TCFL5: variants seen among roughly 807,000 people sequenced by gnomAD.
TCFL5 encodes transcription factor like 5.
In TCFL5, 9 loss-of-function variants were observed where a neutral mutation model predicts 44.3. The ratio of observed to expected loss-of-function variants is 0.20; its 90% CI spans 0.12 to 0.35. TCFL5 has a LOEUF of 0.35. Ranked by LOEUF, TCFL5 falls within the 10% of genes least tolerant of loss-of-function variation. TCFL5 has a pLI of 1.00. For missense variants in TCFL5, 603 were observed against 613.4 expected (o/e 0.98, Z 0.18); for synonymous variants, 319 against 271.6 (o/e 1.17, Z -1.72).
intron 3 of TCFL5, among the ~76,000 whole-genome samples, chr20:62,857,991 G>GAA (rs547445368): frequency 1.5e-5 from 2 of 133,820 alleles, no homozygotes; most frequent in African/African-American, 5.5e-5. Context: ...GGTCAGAATG[G>GAA]AAAAAAAAAA....
intron 5 of TCFL5, chr20:62,852,326 G>A (rs1044058370): frequency 8.1e-6 from 8 of 984,888 alleles, no homozygotes; most frequent in African/African-American, 5.2e-5. Context: ...CCTGGAACTC[G>A]GGTCCCCCAA....
intron 5 of TCFL5, chr20:62,852,548 C>G (rs1462459098): frequency 1.0e-6 from 1 of 985,374 alleles, no homozygotes; most frequent in Non-Finnish European, 1.2e-6. Flanking sequence ...ACTGCCACGA[C>G]CACACAGACA....
At position 62,859,232 on chromosome 20, in the gene TCFL5, A is replaced by G. The variant is rs897224366; in HGVS notation, c.994+132T>C. On this transcript the variant is annotated intron_variant, in intron 3 of 5. Coordinates refer to ENST00000335351, the MANE Select transcript of TCFL5 (RefSeq NM_006602.4). Reference sequence around the variant, plus strand: ...AAGCGGGTGGACAGACCCCTGAGATACACAGACACCTCCAAGACTGTTTCA... The same window carrying G: ...AAGCGGGTGGACAGACCCCTGAGATGCACAGACACCTCCAAGACTGTTTCA... The G allele has an allele frequency of 1.1e-5, 9 of 815,238 alleles. No homozygotes were observed. The African/African-American group carries it at 1.2e-4, about 11-fold the overall frequency. 50.5% of individuals were successfully genotyped at this position (815,238 alleles called of 1,614,324 possible).
At chr20:62,849,664 A>G (rs1369453797) in intron 5 of TCFL5, among the ~76,000 whole-genome samples, 1 of 152,122 alleles carries the variant, frequency 6.6e-6, no homozygotes, top group African/African-American at 2.4e-5. Context: ...ATTGCTACAA[A>G]AATTAAAAAA....
At chr20:62,852,353 C>T (rs1265961745) in intron 5 of TCFL5, 124 of 981,572 alleles carry the variant, frequency 1.3e-4, no homozygotes, top group Non-Finnish European at 1.4e-4. Flanking sequence ...GGCCCAGGAC[C>T]CTGGAACTCG....
At chr20:62,843,733 T>C (rs2063705107) in intron 5 of TCFL5, among the ~76,000 whole-genome samples, 1 of 152,186 alleles carries the variant, frequency 6.6e-6, no homozygotes, top group Non-Finnish European at 1.5e-5. Flanking sequence ...CCGTACCCAT[T>C]AAACACTAAC....
chr20:62,847,397 AAAGAT>A (rs1279544966), intron 5 of TCFL5, among the ~76,000 whole-genome samples: 7 of 152,204 alleles, frequency 4.6e-5, no homozygotes, highest in African/African-American at 1.7e-4. Context: ...TTGGGATAAT[AAAGAT>A]AAGAGCAAAT....
intron 4 of TCFL5, among the ~76,000 whole-genome samples, chr20:62,856,124 C>A (rs2147279116): frequency 6.7e-6 from 1 of 148,686 alleles, no homozygotes; most frequent in South Asian, 2.2e-4. Context: ...GTGGCGGGTA[C>A]CTGTAATCCC....
chr20:62,856,252 CAAAAAAAA>C (rs11473595), intron 4 of TCFL5, among the ~76,000 whole-genome samples: 1 of 63,836 alleles, frequency 1.6e-5, no homozygotes, highest in Non-Finnish European at 3.0e-5. Flanking sequence ...GACTCCGTCT[CAAAAAAAA>C]AAAAAAAAAA....
intron 5 of TCFL5, chr20:62,844,895 C>T: frequency 1.0e-6 from 1 of 985,040 alleles, no homozygotes. Context: ...GGTTCCCAGT[C>T]TGTGTAGTCT....
rs1217982437 is a variant in TCFL5, at chr20:62,842,117, G to A, written c.1381-20C>T. 6.2e-7 allele frequency: 1 copy of A among 1,613,522 alleles called. No homozygotes were observed. The highest frequency in any genetic ancestry group is 8.5e-7 in the Non-Finnish European group (1 of 1,179,804). On this transcript the variant is annotated intron_variant, in intron 5 of 5. Transcript: ENST00000335351. This position sits in a 1 kb window ranked among gnomAD's most constrained non-coding sequence, Gnocchi z 4.3. ...AAATTCCTGCAGTGAAGAAGTGACG[G>A]TTAACATACTGAATTAACTGACATG...
At chr20:62,843,320 G>A (rs772039588) in intron 5 of TCFL5, among the ~76,000 whole-genome samples, 3 of 152,204 alleles carry the variant, frequency 2.0e-5, no homozygotes, top group Admixed American at 6.5e-5. Context: ...AGGAGTGAAG[G>A]CTTTCAGGAA....
At chr20:62,859,571 A>ACT in intron 2 of TCFL5, 45 bp from the exon 3 acceptor site, 1 of 1,566,754 alleles carries the variant, frequency 6.4e-7, no homozygotes, top group Non-Finnish European at 8.7e-7. Flanking sequence ...TATGTGGCTT[A>ACT]CTCTCCTCTT....
intron 2 of TCFL5, among the ~76,000 whole-genome samples, 198 bp from the exon 3 acceptor site, chr20:62,859,724 T>TG (rs1328539142): frequency 8.4e-6 from 1 of 118,626 alleles, no homozygotes; most frequent in East Asian, 2.6e-4. Context: ...TTTTTGTTTT[T>TG]TTGTTTTTTT....
chr20:62,848,163 G>A (rs969341239), intron 5 of TCFL5, among the ~76,000 whole-genome samples: 8 of 152,206 alleles, frequency 5.3e-5, no homozygotes, highest in Admixed American at 1.3e-4. Context: ...CAGCGACACC[G>A]GGGCCTGATG....
intron 5 of TCFL5, among the ~76,000 whole-genome samples, chr20:62,848,695 G>A (rs1027018218): frequency 9.9e-5 from 15 of 152,042 alleles, no homozygotes; most frequent in Admixed American, 3.3e-4. Context: ...CCGGGATCAC[G>A]CCATTGCACT....
chr20:62,861,423 G>C lies in TCFL5; in HGVS notation c.248C>G (p.Ala83Gly). The part of the protein sequence containing the change: ...LETRLNSALL[A>G]AAGPGAGAGG... ...CGCGCCTGCGCCCGGGCCCGCCGCC[G>C]CCAGCAGCGCCGAGTTGAGGCGCGT... Residue 83 changes from alanine to glycine, a missense_variant, in exon 1 of 6, where the codon GCG becomes GGG. By Grantham distance (60) the Ala-to-Gly change is moderately conservative (BLOSUM62 0). Transcript: ENST00000335351. This position sits in a 1 kb window ranked among gnomAD's most constrained non-coding sequence, Gnocchi z 4.0. The C allele has an allele frequency of 1.1e-5, 13 of 1,141,992 alleles. No homozygotes were observed. The highest frequency in any genetic ancestry group is 1.3e-5 in the Non-Finnish European group (12 of 926,654). 70.7% of individuals were successfully genotyped at this position (1,141,992 alleles called of 1,614,324 possible).
In TCFL5 at chr20:62,859,411, C is replaced by A; in HGVS notation, c.947G>T (p.Gly316Val). The A allele has an allele frequency of 1.2e-6, 2 of 1,613,484 alleles. No homozygotes were observed. Among genetic ancestry groups the A allele is most frequent in the South Asian group, 2.2e-5 (2 of 91,048 alleles). Residue 316 changes from glycine to valine, a missense_variant, in exon 3 of 6, where the codon GGT becomes GTT. Physicochemically the swap from Gly to Val is moderately radical, Grantham distance 109. This residue lies in a region of TCFL5 where 540 missense variants were observed against 478.7 expected (regional missense o/e 1.13). Coordinates refer to ENST00000335351, the MANE Select transcript of TCFL5 (RefSeq NM_006602.4). ...QEIESTKQTLGSRNKVLPEQV... is the reference protein window; with the variant it reads ...QEIESTKQTLVSRNKVLPEQV... ...CTCAGGCAAAACTTTGTTTCTACTA[C>A]CTAACGTCTGTTTAGTGGATTCAAT...
At chr20:62,843,177 G>T (rs1219888890) in intron 5 of TCFL5, among the ~76,000 whole-genome samples, 2 of 152,198 alleles carry the variant, frequency 1.3e-5, no homozygotes, top group Admixed American at 1.3e-4. Flanking sequence ...ACTATTACGG[G>T]TTAAGATATA....
Sources: allele counts gnomAD v4.1 joint callset (sites outside exome capture counted in the v4.1 genomes callset), GRCh38; gene constraint gnomAD v4.1.1; regional missense constraint gnomAD v4.1.1; non-coding constraint Gnocchi (gnomAD v3.1); transcripts MANE v1.5; gene names NCBI Gene and HGNC (gene_info 2026-07-23, HGNC 2026-07-21).